AGL: variants seen among roughly 807,000 people sequenced by gnomAD.
The protein encoded by AGL is glycogen debranching enzyme.
In AGL, 128 loss-of-function variants were observed where a neutral mutation model predicts 199.3. The observed-to-expected ratio is 0.64, with a 90% CI of 0.56 to 0.74. The LOEUF (loss-of-function observed/expected upper bound fraction) is 0.74, where lower values mean the gene tolerates loss of function less well. Ranked by LOEUF, AGL falls within the 30% of genes least tolerant of loss-of-function variation. The pLI, the probability that AGL is intolerant of heterozygous loss-of-function variation, is 0.00. For missense variants in AGL, 1,809 were observed against 1,820.8 expected, an observed-to-expected ratio of 0.99 and a Z score of 0.12; for synonymous variants, 584 against 594.7, an observed-to-expected ratio of 0.98 and a Z score of 0.26.
chr1:99,880,601 G>C, intron 13 of AGL, 31 bp from the exon 14 acceptor site: 1 of 1,609,428 alleles, frequency 6.2e-7, no homozygotes, highest in Non-Finnish European at 8.5e-7. Flanking sequence ...AAATAATGAA[G>C]ATTGTTAAAA....
intron 3 of AGL, among the ~76,000 whole-genome samples, chr1:99,862,027 C>A (rs1166483704): frequency 6.6e-6 from 1 of 152,022 alleles, no homozygotes; most frequent in African/African-American, 2.4e-5. Flanking sequence ...TTCATTAAAC[C>A]AACATTCTTG....
chr1:99,906,745 T>C (rs112883337), intron 27 of AGL, among the ~76,000 whole-genome samples: 1 of 152,266 alleles, frequency 6.6e-6, no homozygotes, highest in African/African-American at 2.4e-5. Context: ...TATTCCATTG[T>C]ATGCATACAT....
At chr1:99,897,721 A>G (rs1653443737) in intron 25 of AGL, among the ~76,000 whole-genome samples, 1 of 152,220 alleles carries the variant, frequency 6.6e-6, no homozygotes, top group Non-Finnish European at 1.5e-5. Context: ...CTTCGGCTTT[A>G]CACCAGACTG....
intron 21 of AGL, among the ~76,000 whole-genome samples, chr1:99,890,309 T>C (rs1652778206): frequency 6.6e-6 from 1 of 152,158 alleles, no homozygotes; most frequent in African/African-American, 2.4e-5. Context: ...GAGACCAACA[T>C]TTACCGAGCA....
chr1:99,913,195 G>T (rs1272629696), intron 29 of AGL, among the ~76,000 whole-genome samples: 14 of 151,862 alleles, frequency 9.2e-5, no homozygotes, highest in Admixed American at 6.6e-4. Flanking sequence ...ACTCCAGCTT[G>T]GGTGGACAAT....
intron 20 of AGL, among the ~76,000 whole-genome samples, chr1:99,887,360 G>A (rs552808420): frequency 9.9e-5 from 15 of 152,236 alleles, no homozygotes; most frequent in African/African-American, 3.4e-4. Context: ...TTATCAGGAG[G>A]CATCTTAATC....
At position 99,880,705 on chromosome 1, in the gene AGL, C is replaced by G. The variant is rs111918608; in HGVS notation, c.1809C>G (p.Ser603=). The change falls in exon 14 of 34, where the codon TCC becomes TCG. Residue 603 remains serine (S), a synonymous_variant. Coordinates refer to ENST00000361915, the MANE Select transcript of AGL (RefSeq NM_000642.3). ...VYRYGGEPVG[S]FVQPCLRPLM... ...GATATGGAGGAGAACCTGTTGGATC[C>G]TTTGTTCAGCCCTGTTTGAGGCCTT... 8 of 1,613,982 alleles carry G rather than the reference C, an allele frequency of 5.0e-6. No individual in the cohort carries two copies. Among genetic ancestry groups the G allele is most frequent in the African/African-American group, 4.0e-5 (3 of 75,030 alleles).
intron 25 of AGL, among the ~76,000 whole-genome samples, chr1:99,898,506 T>C (rs191721276): frequency 6.6e-6 from 1 of 152,284 alleles, no homozygotes; most frequent in Admixed American, 6.5e-5. Context: ...CAGAGAATAA[T>C]ATATTATCCC....
chr1:99,877,417 A>G (rs897196538), intron 11 of AGL, among the ~76,000 whole-genome samples: 2 of 152,162 alleles, frequency 1.3e-5, no homozygotes, highest in Non-Finnish European at 2.9e-5. Flanking sequence ...ATTGAGGACA[A>G]ATTTTTAGAA....
rs1158975350 is a variant in AGL, at chr1:99,915,455, G to C, written c.4228G>C (p.Gly1410Arg). 6.2e-7 allele frequency: 1 copy of C among 1,613,224 alleles called. No homozygotes were observed. Among genetic ancestry groups the C allele is most frequent in the African/African-American group, 1.3e-5 (1 of 74,774 alleles). ...ALEIAEKKLL[G>R]PLGMKTLDPD... ...GGAGATTGCAGAAAAAAAATTGCTT[G>C]GTCCCCTTGGCATGAAAACTTTAGA... Residue 1410 changes from glycine to arginine, a missense_variant, in exon 31 of 34, where the codon GGT becomes CGT. Gly to Arg is a moderately radical substitution (Grantham distance 125, BLOSUM62 -2). Coordinates refer to ENST00000361915, the MANE Select transcript of AGL (RefSeq NM_000642.3).
At chr1:99,893,988 G>T (rs1482270783) in intron 24 of AGL, among the ~76,000 whole-genome samples, 2 of 151,804 alleles carry the variant, frequency 1.3e-5, no homozygotes, top group East Asian at 3.9e-4. Flanking sequence ...TTCAAGACCA[G>T]CCTGAACAAC....
Position 99,891,727 on chromosome 1 carries a change from A to G in AGL, c.3071A>G (p.Lys1024Arg), listed in dbSNP as rs755500845. ...AYTTLLDTAW[K>R]QMSSFVQNGS... is the part of the protein sequence containing the mutation. ...ACCACTCTTCTGGATACAGCATGGA[A>G]GCAGATGTCAAGGTATATCCAACAA... Residue 1024 changes from lysine (K) to arginine (R), a missense_variant, in exon 23 of 34, where the codon AAG (lysine) becomes AGG (arginine). Coordinates refer to ENST00000361915, the MANE Select transcript of AGL (RefSeq NM_000642.3). 5.6e-6 allele frequency: 9 copies of G among 1,613,394 alleles called. No homozygotes were observed. The highest frequency in any genetic ancestry group is 7.6e-6 in the Non-Finnish European group (9 of 1,179,592).
At chr1:99,883,931 TA>T (rs1652243840) in intron 17 of AGL, among the ~76,000 whole-genome samples, 188 bp from the exon 18 acceptor site, 1 of 152,170 alleles carries the variant, frequency 6.6e-6, no homozygotes, top group African/African-American at 2.4e-5. Flanking sequence ...CTTTGTTAAC[TA>T]AGCTGTAATT....
intron 16 of AGL, 30 bp from the exon 17 acceptor site, chr1:99,881,511 G>A: frequency 6.2e-7 from 1 of 1,613,938 alleles, no homozygotes; most frequent in Non-Finnish European, 8.5e-7. Context: ...CAGTTTGAGA[G>A]CTAATCTAGT....
chr1:99,882,850 G>A (rs1286984758), intron 17 of AGL, among the ~76,000 whole-genome samples: 1 of 152,086 alleles, frequency 6.6e-6, no homozygotes, highest in East Asian at 1.9e-4. Context: ...GTTGCTAGTT[G>A]CTGAATATGC....
chr1:99,862,119 T>G, intron 3 of AGL, 138 bp from the exon 4 acceptor site: 1 of 959,208 alleles, frequency 1.0e-6, no homozygotes, highest in Non-Finnish European at 1.6e-6. Flanking sequence ...GTTGCAACTT[T>G]TAAAATGATT....
At chr1:99,884,806 A>C in intron 20 of AGL, 103 bp downstream of exon 20, 1 of 1,413,508 alleles carries the variant, frequency 7.1e-7, no homozygotes, top group Non-Finnish European at 9.9e-7. Flanking sequence ...TGCTACTCAA[A>C]GTACGGTCCA....
chr1:99,887,987 C>T lies in AGL; in HGVS notation c.2691C>T (p.Ser897=). 1.2e-6 allele frequency: 2 copies of T among 1,613,276 alleles called. No homozygotes were observed. The highest frequency in any genetic ancestry group is 1.7e-6 in the Non-Finnish European group (2 of 1,179,508). Residue 897 remains serine (S), a synonymous_variant, in exon 21 of 34, where the codon TCC becomes TCT. Coordinates refer to ENST00000361915, the MANE Select transcript of AGL (RefSeq NM_000642.3). ...ILKIPFASLA[S]RLTLAELNQI... The stretch of plus-strand genomic sequence containing the variant: ...ATTTTCCAATTCTTAGTCTTGCCTC[C>T]AGATTAACTTTGGCTGAGCTAAATC...
intron 21 of AGL, among the ~76,000 whole-genome samples, chr1:99,888,933 A>G (rs1652666083): frequency 6.6e-6 from 1 of 152,128 alleles, no homozygotes; most frequent in African/African-American, 2.4e-5. Flanking sequence ...TATACCTCTT[A>G]CTTGGCCCTT....
Sources: gnomAD v4.1 joint callset for allele counts (sites outside exome capture counted in the v4.1 genomes callset) on GRCh38, gnomAD v4.1.1 for gene constraint, MANE v1.5 for transcripts, NCBI Gene and HGNC (gene_info 2026-07-23, HGNC 2026-07-21) for gene names.